The following EHHADH variants were observed in gnomAD, a reference collection of about 807,000 sequenced individuals.
EHHADH encodes the protein peroxisomal bifunctional enzyme.
EHHADH carries 48 observed loss-of-function variants against 64.4 expected under a neutral mutation model. The ratio of observed to expected loss-of-function variants is 0.75; its 90% confidence interval spans 0.59 to 0.95. The LOEUF is 0.95. Among genes scored for constraint, EHHADH ranks in the 40% least tolerant of loss-of-function variants. EHHADH has a pLI of 0.00. For synonymous variants in EHHADH, 308 were observed against 326.7 expected, an observed-to-expected ratio of 0.94 and a Z score of 0.62; for missense variants, 854 against 876.6, an observed-to-expected ratio of 0.97 and a Z score of 0.33.
At chr3:185,211,416 C>A (rs1331311092) in intron 5 of EHHADH, among the ~76,000 whole-genome samples, 1 of 152,188 alleles carries the variant, frequency 6.6e-6, no homozygotes, top group Non-Finnish European at 1.5e-5. Context: ...ATAAGTGAGT[C>A]ACGTTTCTGA....
chr3:185,193,641 C>T (rs1288775882), intron 6 of EHHADH, among the ~76,000 whole-genome samples, 154 bp from the exon 7 acceptor site: 12 of 152,162 alleles, frequency 7.9e-5, no homozygotes, highest in Non-Finnish European at 1.6e-4. Flanking sequence ...AGACTCTGCA[C>T]TCTCTTAAGT....
intron 4 of EHHADH, among the ~76,000 whole-genome samples, 184 bp downstream of exon 4, chr3:185,229,248 G>A (rs890991661): frequency 2.6e-5 from 4 of 152,180 alleles, no homozygotes; most frequent in Non-Finnish European, 4.4e-5. Flanking sequence ...TGATCTTCAC[G>A]ATAACGTTTG....
intron 5 of EHHADH, among the ~76,000 whole-genome samples, chr3:185,210,894 T>C (rs1017717271): frequency 6.6e-6 from 1 of 152,150 alleles, no homozygotes; most frequent in Non-Finnish European, 1.5e-5. Flanking sequence ...CAGTAATTAG[T>C]TCTGATCAGC....
intron 6 of EHHADH, among the ~76,000 whole-genome samples, chr3:185,196,398 T>C (rs1351441644): frequency 1.3e-5 from 2 of 152,062 alleles, no homozygotes; most frequent in African/African-American, 4.8e-5. Context: ...TAAAAAGGAA[T>C]AAAATACGAG....
At chr3:185,220,856 T>C (rs1286982951) in intron 4 of EHHADH, among the ~76,000 whole-genome samples, 2 of 152,152 alleles carry the variant, frequency 1.3e-5, no homozygotes, top group Non-Finnish European at 2.9e-5. Context: ...ACCTTTACAA[T>C]TTTTTTCCAC....
At chr3:185,210,736 A>G (rs1192771206) in intron 5 of EHHADH, among the ~76,000 whole-genome samples, 2 of 152,172 alleles carry the variant, frequency 1.3e-5, no homozygotes, top group Non-Finnish European at 2.9e-5. Flanking sequence ...GGGAGCTCCA[A>G]GAGCAGAGAG....
At chr3:185,207,933 C>A (rs1718439805) in intron 5 of EHHADH, among the ~76,000 whole-genome samples, 1 of 152,320 alleles carries the variant, frequency 6.6e-6, no homozygotes, top group East Asian at 1.9e-4. Context: ...GCAGTTATTT[C>A]ATCAAGGAGC....
At chr3:185,235,619 G>C (rs1199081087) in intron 2 of EHHADH, among the ~76,000 whole-genome samples, 157 bp from the exon 3 acceptor site, 2 of 151,870 alleles carry the variant, frequency 1.3e-5, no homozygotes, top group East Asian at 3.9e-4. Context: ...AGACCTCTTT[G>C]GGCCCTTACA....
At chr3:185,197,830 T>A (rs542792355) in intron 6 of EHHADH, among the ~76,000 whole-genome samples, 138 of 152,314 alleles carry the variant, frequency 9.1e-4, no homozygotes, top group African/African-American at 3.2e-3. Context: ...GGAGTCTCTC[T>A]CTGTCACCCA....
At chr3:185,212,617 TGAATAATTG>T (rs1253213128) in intron 5 of EHHADH, among the ~76,000 whole-genome samples, 3 of 152,184 alleles carry the variant, frequency 2.0e-5, no homozygotes, top group African/African-American at 7.2e-5. Flanking sequence ...GAGAATAGGC[TGAATAATTG>T]GAATATGGTT....
At chr3:185,194,113 C>A (rs183486873) in intron 6 of EHHADH, among the ~76,000 whole-genome samples, 1 of 152,184 alleles carries the variant, frequency 6.6e-6, no homozygotes, top group East Asian at 1.9e-4. Context: ...CCAGAAGAGC[C>A]AAAACAATAC....
intron 4 of EHHADH, among the ~76,000 whole-genome samples, chr3:185,223,876 G>C (rs953530386): frequency 6.6e-6 from 1 of 152,202 alleles, no homozygotes; most frequent in African/African-American, 2.4e-5. Context: ...AGTCCTGTCA[G>C]TTGATTGGAC....
chr3:185,232,573 C>G, intron 3 of EHHADH, among the ~76,000 whole-genome samples: 1 of 152,138 alleles, frequency 6.6e-6, no homozygotes, highest in East Asian at 1.9e-4. Context: ...CTCAGCCTCC[C>G]AAGTAGCTGG....
intron 6 of EHHADH, among the ~76,000 whole-genome samples, chr3:185,202,670 G>A (rs915008404): frequency 4.6e-5 from 7 of 152,126 alleles, no homozygotes; most frequent in Non-Finnish European, 7.3e-5. Context: ...ACAGGAGCGC[G>A]AACCCTATTG....
At chr3:185,218,700 T>G (rs1718757660) in intron 4 of EHHADH, among the ~76,000 whole-genome samples, 1 of 151,538 alleles carries the variant, frequency 6.6e-6, no homozygotes, top group Non-Finnish European at 1.5e-5. Flanking sequence ...ACCTTATCCC[T>G]AGCACACCCC....
chr3:185,200,627 C>T (rs948968785), intron 6 of EHHADH, among the ~76,000 whole-genome samples: 5 of 152,148 alleles, frequency 3.3e-5, no homozygotes, highest in Non-Finnish European at 5.9e-5. Flanking sequence ...TGCTCCCCTG[C>T]CAAATTACTG....
chr3:185,218,318 T>C (rs561850049), intron 4 of EHHADH, 78 bp from the exon 5 acceptor site: 32 of 917,120 alleles, frequency 3.5e-5, no homozygotes, highest in Non-Finnish European at 5.0e-5. Context: ...CTCTCTCTAG[T>C]AGGAAAGGCT....
chr3:185,204,550 A>T lies in EHHADH; in HGVS notation c.776T>A (p.Leu259His). 6.2e-7 allele frequency: 1 copy of T among 1,614,228 alleles called. No individual in the cohort carries two copies. The highest frequency in any genetic ancestry group is 8.5e-7 in the Non-Finnish European group (1 of 1,180,038). Residue 259 changes from leucine to histidine, a missense_variant, in exon 6 of 7, where the codon CTT (leucine) becomes CAT (histidine). Physicochemically the swap from Leu to His is moderately conservative, Grantham distance 99. Coordinates refer to ENST00000231887, the MANE Select transcript of EHHADH (RefSeq NM_001966.4). ...IKKEEELFLY[L>H]LQSGQARALQ... Reference sequence around the variant, plus strand: ...GGCTCTAGCCTGCCCTGATTGCAAAAGATATAGAAACAGCTCCTCCTCCTT... The same window carrying T: ...GGCTCTAGCCTGCCCTGATTGCAAATGATATAGAAACAGCTCCTCCTCCTT...
intron 4 of EHHADH, among the ~76,000 whole-genome samples, chr3:185,218,721 G>C (rs549049954): frequency 6.6e-6 from 1 of 151,774 alleles, no homozygotes; most frequent in East Asian, 1.9e-4. Context: ...ATTGGCTGTG[G>C]ATGGTTAAAA....
Sources: gnomAD v4.1 joint callset for allele counts (sites outside exome capture counted in the v4.1 genomes callset) on GRCh38, gnomAD v4.1.1 for gene constraint, MANE v1.5 for transcripts, NCBI Gene and HGNC (gene_info 2026-07-23, HGNC 2026-07-21) for gene names.